Variants in MICAL3 observed in about 807,000 individuals in gnomAD.
The protein encoded by MICAL3 is [F-actin]-monooxygenase MICAL3.
Under a neutral mutation model 207.4 loss-of-function variants are expected in MICAL3, and 62 were observed. That is an observed-to-expected ratio of 0.30 (90% CI 0.24 to 0.37). The LOEUF is 0.37. Ranked by LOEUF, MICAL3 falls within the 10% of genes least tolerant of loss-of-function variation. The probability of loss-of-function intolerance (pLI) is 1.00; values close to 1 mark genes in which losing one functional copy is unlikely to be tolerated. For synonymous variants in MICAL3, 1,077 were observed against 1,069.3 expected, an observed-to-expected ratio of 1.01 and a Z score of -0.14; for missense variants, 2,368 against 2,635.6, an observed-to-expected ratio of 0.90 and a Z score of 2.22.
At chr22:17,976,776 A>C (rs1935674028) in intron 1 of MICAL3, among the ~76,000 whole-genome samples, 1 of 147,616 alleles carries the variant, frequency 6.8e-6, no homozygotes, top group African/African-American at 2.5e-5. Flanking sequence ...AGGTTATGGG[A>C]CTGTTACAGA....
At chr22:18,022,818 G>A (rs1924571743) in intron 1 of MICAL3, among the ~76,000 whole-genome samples, 3 of 152,156 alleles carry the variant, frequency 2.0e-5, no homozygotes, top group African/African-American at 7.2e-5. Context: ...TACATAGGCA[G>A]CCATGAAGTC....
chr22:17,905,839 C>G (rs1181807676), intron 2 of MICAL3, among the ~76,000 whole-genome samples: 1 of 152,182 alleles, frequency 6.6e-6, no homozygotes, highest in Non-Finnish European at 1.5e-5. Flanking sequence ...GGCCTACCTG[C>G]TTCGTGGAAA....
intron 9 of MICAL3, 141 bp from the exon 10 acceptor site, chr22:17,895,551 T>A: frequency 1.0e-6 from 1 of 966,192 alleles, no homozygotes; most frequent in Non-Finnish European, 1.5e-6. Flanking sequence ...TCTTGAGTCC[T>A]ACGTCAGCCC....
At chr22:17,861,728 AAAC>A in intron 19 of MICAL3, 1 of 985,454 alleles carries the variant, frequency 1.0e-6, no homozygotes, top group Non-Finnish European at 1.2e-6. Flanking sequence ...ATAAGCTTGG[AAAC>A]ACAGCATTCA....
intron 1 of MICAL3, among the ~76,000 whole-genome samples, chr22:17,954,966 C>A (rs1934543610): frequency 6.6e-6 from 1 of 152,130 alleles, no homozygotes; most frequent in Admixed American, 6.5e-5. Context: ...TCAAGTGATC[C>A]TCCCACCTCG....
intron 12 of MICAL3, 46 bp downstream of exon 12, chr22:17,891,439 G>C: frequency 6.3e-7 from 1 of 1,585,106 alleles, no homozygotes; most frequent in Non-Finnish European, 8.7e-7. Context: ...AGTGGTCTGA[G>C]ATCCTTGAGG....
chr22:17,875,658 C>A (rs892854026), intron 16 of MICAL3: 4 of 448,320 alleles, frequency 8.9e-6, no homozygotes, highest in South Asian at 2.2e-5. Context: ...TTACTCTAGA[C>A]CTTTATCTAA....
At chr22:17,884,254 TG>T in intron 16 of MICAL3, 1 of 1,569,342 alleles carries the variant, frequency 6.4e-7, no homozygotes, top group Non-Finnish European at 8.7e-7. Context: ...GCACCCATCC[TG>T]GCCCTGGCAG....
chr22:17,850,462 G>A (rs1925203779), intron 19 of MICAL3, among the ~76,000 whole-genome samples: 1 of 136,516 alleles, frequency 7.3e-6, no homozygotes, highest in Non-Finnish European at 1.5e-5. Flanking sequence ...CCAGGCTGGA[G>A]TGCAGTGGTG....
At chr22:17,877,126 TGGAGGTTAG>T (rs1349431751) in intron 16 of MICAL3, among the ~76,000 whole-genome samples, 145 of 77,802 alleles carry the variant, frequency 1.9e-3, no homozygotes, top group African/African-American at 4.2e-3. Flanking sequence ...AGGGAGGTTA[TGGAGGTTAG>T]GGAGGTTATG....
At chr22:17,959,009 GGTT>G (rs1569147361) in intron 1 of MICAL3, among the ~76,000 whole-genome samples, 1 of 118,838 alleles carries the variant, frequency 8.4e-6, no homozygotes, top group Non-Finnish European at 1.8e-5. Context: ...CCGGGCCTGG[GGTT>G]TTTTTTTTTT....
At chr22:17,888,245 A>C (rs1382538691) in intron 13 of MICAL3, among the ~76,000 whole-genome samples, 1 of 152,232 alleles carries the variant, frequency 6.6e-6, no homozygotes, top group Non-Finnish European at 1.5e-5. Flanking sequence ...AACTTGCCTA[A>C]GGCCAAGTGG....
At chr22:17,926,563 G>A (rs1932932676) in intron 1 of MICAL3, among the ~76,000 whole-genome samples, 1 of 152,138 alleles carries the variant, frequency 6.6e-6, no homozygotes, top group South Asian at 2.1e-4. Context: ...CTCCAACTCA[G>A]GTTACTCAAA....
intron 1 of MICAL3, among the ~76,000 whole-genome samples, chr22:17,975,197 A>T (rs1935581149): frequency 6.6e-6 from 1 of 152,210 alleles, no homozygotes; most frequent in African/African-American, 2.4e-5. Context: ...AGGCCAGAAC[A>T]ATGCAAGAAG....
intron 10 of MICAL3, among the ~76,000 whole-genome samples, chr22:17,894,395 C>CA (rs57537906): frequency 0.021 from 1,802 of 86,058 alleles, 26 homozygotes; most frequent in African/African-American, 0.053. Context: ...GACTCTGTCT[C>CA]AAAAAAAAAA....
At chr22:17,923,590 G>A (rs899462163) in intron 1 of MICAL3, among the ~76,000 whole-genome samples, 1 of 152,230 alleles carries the variant, frequency 6.6e-6, no homozygotes, top group Non-Finnish European at 1.5e-5. Context: ...GCAGTCTCAG[G>A]TCCTGAGCTG....
chr22:17,838,393 C>T (rs1370627982), intron 20 of MICAL3, among the ~76,000 whole-genome samples: 1 of 152,200 alleles, frequency 6.6e-6, no homozygotes, highest in African/African-American at 2.4e-5. Context: ...GCATCAACCC[C>T]GTTTAAGGAA....
chr22:17,911,852 A>G (rs1224369119), intron 1 of MICAL3, among the ~76,000 whole-genome samples: 6 of 87,972 alleles, frequency 6.8e-5, no homozygotes, highest in South Asian at 6.1e-4. Context: ...AAAAGAAAAA[A>G]GTAGGTGGAG....
chr22:17,856,584 T>A (rs1925914120), intron 19 of MICAL3, among the ~76,000 whole-genome samples: 1 of 149,926 alleles, frequency 6.7e-6, no homozygotes, highest in Non-Finnish European at 1.5e-5. Context: ...TCACGTTAGA[T>A]GAAACTCTAG....
Sources: gnomAD v4.1 joint callset for allele counts (sites outside exome capture counted in the v4.1 genomes callset) on GRCh38, gnomAD v4.1.1 for gene constraint, MANE v1.5 for transcripts, NCBI Gene and HGNC (gene_info 2026-07-23, HGNC 2026-07-21) for gene names.